EFR3B: variants seen among roughly 807,000 people sequenced by gnomAD.
The protein encoded by EFR3B is EFR3 homolog B, also known as protein EFR3 homolog B.
A neutral mutation model predicts 104.7 loss-of-function variants in EFR3B; 64 were observed. The observed-to-expected ratio is 0.61, with a 90% CI of 0.50 to 0.75. EFR3B has a LOEUF of 0.75. Ranked by LOEUF, EFR3B falls within the 30% of genes least tolerant of loss-of-function variation. The pLI is 0.00. For missense variants in EFR3B, 750 were observed against 1,078.5 expected (o/e 0.70, Z 4.27); for synonymous variants, 385 against 417.9 (o/e 0.92, Z 0.96).
rs905247458 is a variant in EFR3B, at chr2:25,042,139, G to A, written c.-174G>A. 7.8e-6 allele frequency: 4 copies of A among 513,836 alleles called. No individual in the cohort carries two copies. The highest frequency in any genetic ancestry group is 2.0e-5 in the African/African-American group (1 of 49,296). The allele number at this position is 513,836 out of a possible 1,614,324, so 31.8% of individuals were successfully genotyped here. A position where few individuals can be genotyped will look rare whatever the true frequency, so the allele number is the denominator to read the frequency against. Reference sequence around the variant, plus strand: ...GCCCGGCGCTGAATGGGCTGGCGGCGCCCGGCTCCGTCCTGCCCGCGGCCG... The same window carrying A: ...GCCCGGCGCTGAATGGGCTGGCGGCACCCGGCTCCGTCCTGCCCGCGGCCG... On this transcript the variant is annotated 5_prime_UTR_variant, in exon 1 of 23. Transcript: ENST00000403714. This position sits in a 1 kb window ranked among gnomAD's most constrained non-coding sequence, Gnocchi z 5.4.
chr2:25,070,367 T>C (rs971997122), intron 1 of EFR3B, among the ~76,000 whole-genome samples: 3 of 152,098 alleles, frequency 2.0e-5, no homozygotes, highest in Admixed American at 1.3e-4. Context: ...GTTCAAGCAA[T>C]TCTCCCACCT....
In EFR3B at chr2:25,121,770, A is replaced by G. The variant is rs1027158545; in HGVS notation, c.461A>G (p.His154Arg). 3.9e-6 allele frequency: 6 copies of G among 1,551,730 alleles called. No homozygotes were observed. Among genetic ancestry groups the G allele is most frequent in the African/African-American group, 1.4e-5 (1 of 73,064 alleles). Residue 154 changes from histidine (H) to arginine (R), a missense_variant, in exon 5 of 23, where the codon CAT becomes CGT. Transcript: ENST00000403714. ...SRFSEMCHSS[H>R]DDLEIKTKIR... ...TTCAGTGAAATGTGCCACTCGAGCCATGATGACTTAGAAATCAAGACCAAG... is the reference window on the plus strand; with the variant it reads ...TTCAGTGAAATGTGCCACTCGAGCCGTGATGACTTAGAAATCAAGACCAAG...
In EFR3B at chr2:25,154,274, C is replaced by A. The variant is rs1177829793; in HGVS notation, c.2388C>A (p.Tyr796Ter). ...CATCAGGAACCATCACTGCAGCCTA[C>A]GGTCAGCCGCAGAACCACTCCATCC... is the stretch of plus-strand genomic sequence containing the variant. ...PSPSGTITAA[Y>*]GQPQNHSIPV... Residue 796 changes from tyrosine to a stop codon, truncating the protein, a stop_gained, in exon 23 of 23, where the codon TAC (tyrosine) becomes TAA (stop). Transcript: ENST00000403714. LOFTEE classifies it high-confidence loss of function. The surrounding 1 kb of genome is among the most constrained non-coding windows in gnomAD (Gnocchi z 4.1). 1 of 1,551,840 alleles carries A rather than the reference C, an allele frequency of 6.4e-7. No individual in the cohort carries two copies. Among genetic ancestry groups the A allele is most frequent in the Non-Finnish European group, 8.7e-7 (1 of 1,147,062 alleles).
rs377306537 is a variant in EFR3B at position 25,143,824 on chromosome 2, C to T, written c.2012C>T (p.Ser671Leu). ...GTCCTGGGAGGCAGTGGCTACAACT[C>T]GGACCGGCTCTGCCTGCCCTACATT... ...SEVLGGSGYN[S>L]DRLCLPYIPQ... The change falls in exon 18 of 23, where the codon TCG (serine) becomes TTG (leucine). Residue 671 changes from serine (S) to leucine (L), a missense_variant. Coordinates refer to ENST00000403714, the MANE Select transcript of EFR3B (RefSeq NM_014971.2). 4.7e-5 allele frequency: 73 copies of T among 1,551,532 alleles called. No individual in the cohort carries two copies. The highest frequency in any genetic ancestry group is 8.3e-5 in the South Asian group (7 of 84,060).
intron 1 of EFR3B, among the ~76,000 whole-genome samples, chr2:25,059,855 A>G (rs912919539): frequency 5.5e-5 from 8 of 145,214 alleles, no homozygotes; most frequent in African/African-American, 2.0e-4. Flanking sequence ...AACCTGGGCA[A>G]CAAGAGCAAA....
chr2:25,061,165 C>T lies in EFR3B; in HGVS notation c.7+18846C>T, dbSNP rs189957596. Among the ~76,000 whole-genome samples the T allele has an allele frequency of 9.9e-5, 15 of 151,694 alleles. No homozygotes were observed. In the East Asian group the frequency reaches 2.9e-3, roughly 30 times the overall value. ...TTTTGAAACAGTCTCACTTTGTCGC[C>T]CAGGCTGGAATGCAGTGGTGCAATC... On this transcript the variant is annotated intron_variant, in intron 1 of 22. Transcript: ENST00000403714.
At chr2:25,133,054 C>A in intron 11 of EFR3B, 40 bp downstream of exon 11, 2 of 1,513,342 alleles carry the variant, frequency 1.3e-6, no homozygotes, top group South Asian at 1.2e-5. Context: ...TCCTCCTCTC[C>A]CCCAGCTGCA....
Position 25,135,616 on chromosome 2 carries a change from C to T in EFR3B, c.1461C>T (p.Asn487=). ...ILISFIDRHG[N]RHKFSTISTL... is the part of the protein sequence containing the mutation. ...TCAGTTTCATTGATCGTCATGGCAACCGCCACAAGTTCTCTACCATCAGGT... is the reference window on the plus strand; with the variant it reads ...TCAGTTTCATTGATCGTCATGGCAATCGCCACAAGTTCTCTACCATCAGGT... Residue 487 remains asparagine (N), a synonymous_variant, in exon 13 of 23, where the codon AAC becomes AAT. Coordinates refer to ENST00000403714, the MANE Select transcript of EFR3B (RefSeq NM_014971.2). 1 of 1,552,170 alleles carries T rather than the reference C, an allele frequency of 6.4e-7. No individual in the cohort carries two copies. The highest frequency in any genetic ancestry group is 8.7e-7 in the Non-Finnish European group (1 of 1,147,102).
intron 1 of EFR3B, among the ~76,000 whole-genome samples, chr2:25,064,170 G>A (rs1297559864): frequency 6.6e-6 from 1 of 152,218 alleles, no homozygotes; most frequent in East Asian, 1.9e-4. Context: ...CTGGCTCTAC[G>A]TTTCGGAGGC....
chr2:25,129,628 C>T (rs1253768064), intron 6 of EFR3B, among the ~76,000 whole-genome samples: 1 of 152,114 alleles, frequency 6.6e-6, no homozygotes, highest in Non-Finnish European at 1.5e-5. Flanking sequence ...TCTCCCATCT[C>T]CTTTTCCTTC....
At chr2:25,080,923 G>A in intron 1 of EFR3B, 1 of 771,690 alleles carries the variant, frequency 1.3e-6, no homozygotes, top group Non-Finnish European at 2.4e-6. Context: ...ATATTAGGTG[G>A]AAATCCCATC....
intron 1 of EFR3B, among the ~76,000 whole-genome samples, chr2:25,067,214 G>A (rs767671377): frequency 6.6e-6 from 1 of 151,916 alleles, no homozygotes; most frequent in Admixed American, 6.6e-5. Context: ...AGTTTAAGTC[G>A]CTCCTCACCC....
At chr2:25,063,773 A>C (rs906382725) in intron 1 of EFR3B, among the ~76,000 whole-genome samples, 1 of 152,222 alleles carries the variant, frequency 6.6e-6, no homozygotes, top group Non-Finnish European at 1.5e-5. Flanking sequence ...ACAGTGTGGC[A>C]GTAACAGGGT....
Position 25,130,214 on chromosome 2 carries a change from G to A in EFR3B, c.770+105G>A. 6.7e-7 allele frequency: 1 copy of A among 1,482,936 alleles called. No individual in the cohort carries two copies. Among genetic ancestry groups the A allele is most frequent in the East Asian group, 2.5e-5 (1 of 40,334 alleles). The allele number at this position is 1,482,936 out of a possible 1,614,324, so 91.9% of individuals were successfully genotyped here. A position where few individuals can be genotyped will look rare whatever the true frequency, so the allele number is the denominator to read the frequency against. On this transcript the variant is annotated intron_variant, in intron 7 of 22. Coordinates refer to ENST00000403714, the MANE Select transcript of EFR3B (RefSeq NM_014971.2). The surrounding 1 kb of genome is among the most constrained non-coding windows in gnomAD (Gnocchi z 4.6). ...GGGGGGAAGGGGATATTACAGTTGT[G>A]GTGCCGCAGCCGAGTCGATCCCTTC...
At chr2:25,134,566 C>A (rs1381232190) in intron 12 of EFR3B, among the ~76,000 whole-genome samples, 1 of 152,180 alleles carries the variant, frequency 6.6e-6, no homozygotes, top group Non-Finnish European at 1.5e-5. Context: ...CCTGTCTCAT[C>A]TCTCAATCTC....
chr2:25,110,760 G>A, intron 4 of EFR3B, among the ~76,000 whole-genome samples: 1 of 152,204 alleles, frequency 6.6e-6, no homozygotes, highest in Admixed American at 6.5e-5. Context: ...AGAATCAACA[G>A]TCATTCCCTG....
Position 25,137,365 on chromosome 2 carries a change from A to G in EFR3B, c.1585A>G (p.Ile529Val). 6.4e-7 allele frequency: 1 copy of G among 1,552,106 alleles called. No homozygotes were observed. The highest frequency in any genetic ancestry group is 8.7e-7 in the Non-Finnish European group (1 of 1,147,104). Residue 529 changes from isoleucine (I) to valine (V), a missense_variant, in exon 15 of 23, where the codon ATC becomes GTC. By Grantham distance (29) the Ile-to-Val change is conservative (BLOSUM62 3). Coordinates refer to ENST00000403714, the MANE Select transcript of EFR3B (RefSeq NM_014971.2). This position sits in a 1 kb window ranked among gnomAD's most constrained non-coding sequence, Gnocchi z 4.7. ...KKHSQQLYRH[I>V]YLSCKEETNV... ...GCACTCCCAGCAGCTCTACAGACAC[A>G]TCTACCTGAGCTGCAAGGAGGAAAC...
intron 1 of EFR3B, among the ~76,000 whole-genome samples, chr2:25,088,454 C>T (rs181397542): frequency 1.3e-5 from 2 of 152,204 alleles, no homozygotes; most frequent in Non-Finnish European, 2.9e-5. Context: ...GGGCCTTGGT[C>T]GCTGTGGCCA....
chr2:25,153,084 T>C (rs889564883), intron 21 of EFR3B, among the ~76,000 whole-genome samples: 10 of 152,222 alleles, frequency 6.6e-5, no homozygotes, highest in African/African-American at 1.9e-4. Flanking sequence ...CTGGGCACAG[T>C]GGCTCATGCC....
Sources: allele counts gnomAD v4.1 joint callset (sites outside exome capture counted in the v4.1 genomes callset), GRCh38; gene constraint gnomAD v4.1.1; non-coding constraint Gnocchi (gnomAD v3.1); transcripts MANE v1.5; gene names NCBI Gene and HGNC (gene_info 2026-07-23, HGNC 2026-07-21).